Variants in KIF26B observed in about 807,000 individuals in gnomAD.
KIF26B encodes the protein kinesin family member 26B, also known as kinesin-like protein KIF26B.
KIF26B carries 63 observed loss-of-function variants against 151.2 expected under a neutral mutation model. The observed-to-expected ratio is 0.42, with a 90% CI of 0.34 to 0.51. KIF26B has a LOEUF of 0.51. KIF26B is among the 20% of genes least tolerant of loss of function. The pLI is 0.07. For missense variants in KIF26B, 2,813 were observed against 2,913.6 expected, an observed-to-expected ratio of 0.97 and a Z score of 0.79; for synonymous variants, 1,357 against 1,262.1, an observed-to-expected ratio of 1.08 and a Z score of -1.59.
At chr1:245,457,464 A>G (rs767931014) in intron 4 of KIF26B, among the ~76,000 whole-genome samples, 1 of 152,212 alleles carries the variant, frequency 6.6e-6, no homozygotes, top group Non-Finnish European at 1.5e-5. Context: ...GCAAAATATA[A>G]ATAGAATGAT....
At chr1:245,533,466 C>G (rs149415771) in intron 4 of KIF26B, among the ~76,000 whole-genome samples, 4 of 152,132 alleles carry the variant, frequency 2.6e-5, no homozygotes, top group African/African-American at 9.7e-5. Context: ...CACACTTGAG[C>G]ACCCCTCAGA....
At chr1:245,396,056 G>A (rs897979177) in intron 3 of KIF26B, among the ~76,000 whole-genome samples, 1 of 152,152 alleles carries the variant, frequency 6.6e-6, no homozygotes, top group Non-Finnish European at 1.5e-5. Context: ...TTCCTCTGTG[G>A]CCTGTTTCTG....
At chr1:245,269,225 T>C (rs953553946) in intron 2 of KIF26B, among the ~76,000 whole-genome samples, 189 of 12,954 alleles carry the variant, frequency 0.015, no homozygotes, top group Non-Finnish European at 0.016. Context: ...ACGGCCCCTC[T>C]CCCCCTCCTC....
intron 5 of KIF26B, among the ~76,000 whole-genome samples, chr1:245,583,910 C>A (rs1235507337): frequency 6.6e-6 from 1 of 152,222 alleles, no homozygotes; most frequent in Non-Finnish European, 1.5e-5. Flanking sequence ...AACTGTGGAG[C>A]AGTTCACCGT....
At chr1:245,661,616 T>C (rs114589090) in intron 10 of KIF26B, among the ~76,000 whole-genome samples, 2,106 of 150,598 alleles carry the variant, frequency 0.014, 61 homozygotes, top group African/African-American at 0.049. Flanking sequence ...GATATATATA[T>C]ACACACACAC....
chr1:245,366,755 T>C, intron 2 of KIF26B, 79 bp from the exon 3 acceptor site: 1 of 1,424,254 alleles, frequency 7.0e-7, no homozygotes, highest in Non-Finnish European at 9.7e-7. Context: ...CGGGTTTGAC[T>C]GGTAAGCCAG....
intron 4 of KIF26B, among the ~76,000 whole-genome samples, chr1:245,456,708 T>C (rs982277556): frequency 6.6e-6 from 1 of 152,252 alleles, no homozygotes; most frequent in Non-Finnish European, 1.5e-5. Flanking sequence ...TAAATTGAGT[T>C]ACCAAAATAG....
At chr1:245,539,003 G>A (rs190063996) in intron 4 of KIF26B, among the ~76,000 whole-genome samples, 2 of 151,628 alleles carry the variant, frequency 1.3e-5, no homozygotes, top group African/African-American at 4.8e-5. Flanking sequence ...GTAGCAATGA[G>A]ATGAAAAAAA....
At chr1:245,614,326 C>G (rs956794868) in intron 9 of KIF26B, among the ~76,000 whole-genome samples, 1 of 152,168 alleles carries the variant, frequency 6.6e-6, no homozygotes, top group African/African-American at 2.4e-5. Context: ...AGGTGCCCAC[C>G]ACCATGTCTG....
chr1:245,632,549 C>T (rs12025688), intron 9 of KIF26B, among the ~76,000 whole-genome samples: 12,021 of 152,176 alleles, frequency 0.079, 599 homozygotes, highest in Admixed American at 0.16. Context: ...GTCTGTAGTG[C>T]GGATTAAGTT....
chr1:245,202,225 T>C lies in KIF26B; in HGVS notation c.465+45542T>C, dbSNP rs953592655. ...AAGCTCTCATTTACCTCGCCATCTC[T>C]CGCAACGTTACTCACTGCCCTCACT... On this transcript the variant is annotated intron_variant, in intron 2 of 14. Coordinates refer to ENST00000407071, the MANE Select transcript of KIF26B (RefSeq NM_018012.4). Among the ~76,000 whole-genome samples the C allele has an allele frequency of 2.6e-5, 4 of 152,250 alleles. No homozygotes were observed. In the Middle Eastern group the frequency reaches 0.01, roughly 388 times the overall value.
chr1:245,370,716 A>G, intron 3 of KIF26B: 1 of 439,908 alleles, frequency 2.3e-6, no homozygotes, highest in Non-Finnish European at 4.6e-6. Flanking sequence ...GTTTGTGTGT[A>G]AGTCGGAAAC....
chr1:245,547,285 G>A (rs1038600076), intron 5 of KIF26B, among the ~76,000 whole-genome samples: 1 of 152,158 alleles, frequency 6.6e-6, no homozygotes, highest in African/African-American at 2.4e-5. Context: ...TCCCAAGGAC[G>A]TGTATAAAGA....
rs572809202 is a variant in KIF26B, at chr1:245,516,474, C to T, written c.1167-24293C>T. On this transcript the variant is annotated intron_variant, in intron 4 of 14. Transcript: ENST00000407071. The surrounding 1 kb of genome is among the most constrained non-coding windows in gnomAD (Gnocchi z 4.2). ...TTGATATCACATGCGTCTATATGAA[C>T]GCCCCGCTGCAGCTGCCTTTGCTAT... Among the ~76,000 whole-genome samples the T allele has an allele frequency of 3.9e-5, 6 of 152,284 alleles. No homozygotes were observed. The highest frequency in any genetic ancestry group is 2.1e-4 in the South Asian group (1 of 4,824).
chr1:245,556,106 G>C (rs776854248), intron 5 of KIF26B, among the ~76,000 whole-genome samples: 6 of 152,188 alleles, frequency 3.9e-5, no homozygotes, highest in African/African-American at 1.4e-4. Context: ...ACAGTCTTAC[G>C]TCTGCCTGGC....
At chr1:245,418,232 C>T (rs1148919) in intron 3 of KIF26B, among the ~76,000 whole-genome samples, 71,734 of 152,098 alleles carry the variant, frequency 0.47, 17,210 homozygotes, top group South Asian at 0.59. Flanking sequence ...AGAGGCTCTG[C>T]GGGCTCTCTG....
chr1:245,224,837 T>G (rs948618421), intron 2 of KIF26B, among the ~76,000 whole-genome samples: 2 of 152,220 alleles, frequency 1.3e-5, no homozygotes, highest in African/African-American at 4.8e-5. Flanking sequence ...TAGAAAAAGT[T>G]TACTGATAAC....
chr1:245,691,412 G>A (rs2044625254), intron 12 of KIF26B, among the ~76,000 whole-genome samples: 1 of 152,244 alleles, frequency 6.6e-6, no homozygotes, highest in African/African-American at 2.4e-5. Flanking sequence ...CATGTGGAAT[G>A]TCAAGAGCAG....
chr1:245,228,004 A>G (rs936338674), intron 2 of KIF26B, among the ~76,000 whole-genome samples: 2 of 152,152 alleles, frequency 1.3e-5, no homozygotes, highest in African/African-American at 2.4e-5. Context: ...CTCTGTCTCA[A>G]AACAAAACAA....
Sources: allele counts gnomAD v4.1 joint callset (sites outside exome capture counted in the v4.1 genomes callset), GRCh38; gene constraint gnomAD v4.1.1; non-coding constraint Gnocchi (gnomAD v3.1); transcripts MANE v1.5; gene names NCBI Gene and HGNC (gene_info 2026-07-23, HGNC 2026-07-21).